Variants in HDGFL3 observed in about 807,000 individuals in gnomAD.
HDGFL3 encodes the protein hepatoma-derived growth factor-related protein 3.
Under a neutral mutation model 27.6 loss-of-function variants are expected in HDGFL3, and 6 were observed. The observed-to-expected ratio is 0.22, with a 90% CI of 0.12 to 0.43. The LOEUF (loss-of-function observed/expected upper bound fraction) is 0.43, where lower values mean the gene tolerates loss of function less well. Among genes scored for constraint, HDGFL3 ranks in the 20% least tolerant of loss-of-function variants. HDGFL3 has a pLI of 1.00. For missense variants in HDGFL3, 207 were observed against 250.1 expected, an observed-to-expected ratio of 0.83 and a Z score of 1.16; for synonymous variants, 88 against 88.9, an observed-to-expected ratio of 0.99 and a Z score of 0.05.
At chr15:83,192,363 G>C (rs1179982980) in intron 1 of HDGFL3, 4 of 447,788 alleles carry the variant, frequency 8.9e-6, no homozygotes, top group Admixed American at 2.4e-5. Flanking sequence ...CTCCTGACAG[G>C]GTTGCTAAAC....
downstream of HDGFL3, among the ~76,000 whole-genome samples, chr15:83,125,033 A>G (rs1398159880): frequency 1.3e-5 from 2 of 152,172 alleles, no homozygotes; most frequent in Non-Finnish European, 1.5e-5. Flanking sequence ...CATCTAAAAA[A>G]TCAGCCATCA....
intron 5 of HDGFL3, among the ~76,000 whole-genome samples, chr15:83,148,131 C>T (rs77663823): frequency 0.011 from 1,604 of 152,344 alleles, 14 homozygotes; most frequent in Middle Eastern, 0.031. Flanking sequence ...CCAAGTTAAT[C>T]ACAGGGAACT....
intron 1 of HDGFL3, among the ~76,000 whole-genome samples, chr15:83,195,140 T>C (rs1262395514): frequency 6.6e-6 from 1 of 152,210 alleles, no homozygotes; most frequent in Non-Finnish European, 1.5e-5. Context: ...CCATGTATTC[T>C]CTTTTCCACG....
chr15:83,200,685 G>T (rs941163319), intron 1 of HDGFL3, among the ~76,000 whole-genome samples: 10 of 152,028 alleles, frequency 6.6e-5, no homozygotes, highest in Non-Finnish European at 1.5e-4. Flanking sequence ...TTACAAAGAG[G>T]TTCACAATAA....
At chr15:83,126,966 G>C, downstream of HDGFL3, 1 of 734,558 alleles carries the variant, frequency 1.4e-6, no homozygotes, top group Non-Finnish European at 2.2e-6. Flanking sequence ...GCCGAGGCAG[G>C]TTGATCACGA....
chr15:83,196,852 A>G (rs1247097864), intron 1 of HDGFL3, among the ~76,000 whole-genome samples: 1 of 152,162 alleles, frequency 6.6e-6, no homozygotes, highest in Non-Finnish European at 1.5e-5. Context: ...GTTGGCATCT[A>G]TTTTCTCTAT....
chr15:83,154,668 T>C (rs1596550285), intron 4 of HDGFL3, among the ~76,000 whole-genome samples: 1 of 152,172 alleles, frequency 6.6e-6, no homozygotes, highest in African/African-American at 2.4e-5. Flanking sequence ...GTGGAGTGTT[T>C]CCAGTTAAGA....
At position 83,128,573 on chromosome 15, in the gene HDGFL3, A is replaced by G. The variant is rs1040865311; in HGVS notation, c.*10697T>C. 2.0e-5 allele frequency: 3 copies of G among 152,206 alleles called. No individual in the cohort carries two copies. Among genetic ancestry groups the G allele is most frequent in the African/African-American group, 7.2e-5 (3 of 41,440 alleles). The allele number at this position is 152,206 out of a possible 1,614,324, so 9.4% of individuals were successfully genotyped here. On this transcript the variant is annotated 3_prime_UTR_variant, in exon 6 of 6. Transcript: ENST00000299633. ...ATCTTTCAATACCAACTATAAGCTG[A>G]TAACTTCCAGTTTTCTACCTTCGGC...
At chr15:83,199,038 G>T (rs1387645746) in intron 1 of HDGFL3, among the ~76,000 whole-genome samples, 5 of 152,170 alleles carry the variant, frequency 3.3e-5, no homozygotes, top group Admixed American at 1.3e-4. Flanking sequence ...CCGTTAGACT[G>T]CAATCAATCA....
At chr15:83,146,399 G>T (rs1217513001) in intron 5 of HDGFL3, among the ~76,000 whole-genome samples, 1 of 152,184 alleles carries the variant, frequency 6.6e-6, no homozygotes, top group East Asian at 1.9e-4. Flanking sequence ...GGAAATACTA[G>T]TAGCACCTGC....
At chr15:83,204,873 C>T (rs2037697482) in intron 1 of HDGFL3, among the ~76,000 whole-genome samples, 1 of 152,202 alleles carries the variant, frequency 6.6e-6, no homozygotes, top group Non-Finnish European at 1.5e-5. Context: ...ATTCTGAATC[C>T]TCTTGACCTA....
At chr15:83,190,982 T>A (rs1358255024) in intron 1 of HDGFL3, among the ~76,000 whole-genome samples, 1 of 152,228 alleles carries the variant, frequency 6.6e-6, no homozygotes, top group East Asian at 1.9e-4. Flanking sequence ...ATATGGATAT[T>A]TAACCTATAT....
Position 83,130,257 on chromosome 15 carries a change from A to C in HDGFL3, c.*9013T>G, listed in dbSNP as rs1257955397. Reference sequence around the variant, plus strand: ...TAGGAAGGTCATAGCTTAGAGGAAAATGGGTGTGGTAAGCCTGTAGCAATA... The same window carrying C: ...TAGGAAGGTCATAGCTTAGAGGAAACTGGGTGTGGTAAGCCTGTAGCAATA... On this transcript the variant is annotated 3_prime_UTR_variant, in exon 6 of 6. Coordinates refer to ENST00000299633, the MANE Select transcript of HDGFL3 (RefSeq NM_016073.4). 3 of 152,264 alleles carry C rather than the reference A, an allele frequency of 2.0e-5. No individual in the cohort carries two copies. The highest frequency in any genetic ancestry group is 4.4e-5 in the Non-Finnish European group (3 of 68,074). The allele number at this position is 152,264 out of a possible 1,614,324, so 9.4% of individuals were successfully genotyped here.
At chr15:83,177,165 C>T (rs955759890) in intron 1 of HDGFL3, among the ~76,000 whole-genome samples, 4 of 152,164 alleles carry the variant, frequency 2.6e-5, no homozygotes, top group Non-Finnish European at 4.4e-5. Context: ...ATGATCCATC[C>T]GCCTCGGCCT....
At position 83,132,517 on chromosome 15, in the gene HDGFL3, G is replaced by A. The variant is rs534743656; in HGVS notation, c.*6753C>T. 7.9e-5 allele frequency: 12 copies of A among 151,956 alleles called. No homozygotes were observed. Among genetic ancestry groups the A allele is most frequent in the Admixed American group, 4.6e-4 (7 of 15,254 alleles). 9.4% of individuals were successfully genotyped at this position (151,956 alleles called of 1,614,324 possible). A position where few individuals can be genotyped will look rare whatever the true frequency, so the allele number is the denominator to read the frequency against. On this transcript the variant is annotated 3_prime_UTR_variant, in exon 6 of 6. Coordinates refer to ENST00000299633, the MANE Select transcript of HDGFL3 (RefSeq NM_016073.4). ...CTCACAAAGAGATATGGAAACTTAC[G>A]TGTGAATAATTTGGTTGTGAAGAGT...
At chr15:83,166,784 G>T (rs532560170) in intron 1 of HDGFL3, among the ~76,000 whole-genome samples, 4 of 152,296 alleles carry the variant, frequency 2.6e-5, no homozygotes, top group African/African-American at 7.2e-5. Context: ...GCAGGAGGAA[G>T]AGAGAAAAGG....
chr15:83,206,909 C>A (rs946458992), intron 1 of HDGFL3, among the ~76,000 whole-genome samples: 5 of 152,174 alleles, frequency 3.3e-5, no homozygotes, highest in Non-Finnish European at 7.4e-5. Context: ...CCGGCACTCG[C>A]CGGCTCGCGG....
rs1006206636 is a variant in HDGFL3, at chr15:83,136,949, A to T, written c.*2321T>A. 3 of 234,730 alleles carry T rather than the reference A, an allele frequency of 1.3e-5. No individual in the cohort carries two copies. Among genetic ancestry groups the T allele is most frequent in the African/African-American group, 6.8e-5 (3 of 44,070 alleles). The allele number at this position is 234,730 out of a possible 1,614,324, so 14.5% of individuals were successfully genotyped here. A position where few individuals can be genotyped will look rare whatever the true frequency, so the allele number is the denominator to read the frequency against. On this transcript the variant is annotated 3_prime_UTR_variant, in exon 6 of 6. Transcript: ENST00000299633. ...ATATTGTTTGACATATAAAATAATT[A>T]TAAGTGTAAAAAATTACAATTTAGT...
At chr15:83,172,752 C>T (rs1302728654) in intron 1 of HDGFL3, among the ~76,000 whole-genome samples, 1 of 148,526 alleles carries the variant, frequency 6.7e-6, no homozygotes, top group East Asian at 2.0e-4. Context: ...ATCCAGGAGG[C>T]GGAGGCTGCA....
Sources: gnomAD v4.1 joint callset for allele counts (sites outside exome capture counted in the v4.1 genomes callset) on GRCh38, gnomAD v4.1.1 for gene constraint, MANE v1.5 for transcripts, NCBI Gene and HGNC (gene_info 2026-07-23, HGNC 2026-07-21) for gene names.